RBFOX1: variants seen among roughly 807,000 people sequenced by gnomAD.
The protein encoded by RBFOX1 is RNA binding protein fox-1 homolog 1.
Under a neutral mutation model 57.7 loss-of-function variants are expected in RBFOX1, and 8 were observed. The observed-to-expected ratio is 0.14, with a 90% CI of 0.08 to 0.25. RBFOX1 has a LOEUF of 0.25. Among genes scored for constraint, RBFOX1 ranks in the 10% least tolerant of loss-of-function variants. The pLI, the probability that RBFOX1 is intolerant of heterozygous loss-of-function variation, is 1.00. For synonymous variants in RBFOX1, 326 were observed against 222.4 expected, an observed-to-expected ratio of 1.47 and a Z score of -4.15; for missense variants, 611 against 548.5, an observed-to-expected ratio of 1.11 and a Z score of -1.14.
intron 1 of RBFOX1, among the ~76,000 whole-genome samples, chr16:6,264,028 T>A (rs1368025126): frequency 6.6e-6 from 1 of 152,200 alleles, no homozygotes; most frequent in Non-Finnish European, 1.5e-5. Context: ...CTAGACTATT[T>A]TGACTTTAAT....
At chr16:7,551,055 T>A (rs2086266870) in intron 5 of RBFOX1, among the ~76,000 whole-genome samples, 2 of 126,274 alleles carry the variant, frequency 1.6e-5, no homozygotes, top group South Asian at 4.9e-4. Flanking sequence ...GATTGTGCCA[T>A]CACACTCCAG....
At chr16:7,632,802 C>G (rs145151280) in intron 11 of RBFOX1, among the ~76,000 whole-genome samples, 1 of 152,210 alleles carries the variant, frequency 6.6e-6, no homozygotes, top group Non-Finnish European at 1.5e-5. Context: ...ATTAATTAGC[C>G]ATATAGGGGC....
intron 3 of RBFOX1, among the ~76,000 whole-genome samples, chr16:5,765,401 A>C (rs1047644970): frequency 6.6e-6 from 1 of 152,220 alleles, no homozygotes; most frequent in Non-Finnish European, 1.5e-5. Context: ...AAAAAATCCC[A>C]TTAAAAACTC....
At chr16:7,321,522 G>A (rs543891852) in intron 4 of RBFOX1, among the ~76,000 whole-genome samples, 2 of 152,236 alleles carry the variant, frequency 1.3e-5, no homozygotes, top group East Asian at 1.9e-4. Context: ...TATGTATGGG[G>A]CCAGATTTAC....
At chr16:6,848,837 G>A (rs936500898) in intron 3 of RBFOX1, among the ~76,000 whole-genome samples, 1 of 152,170 alleles carries the variant, frequency 6.6e-6, no homozygotes, top group South Asian at 2.1e-4. Flanking sequence ...ATTAGTGTCA[G>A]GGATAATGAC....
Position 6,776,397 on chromosome 16 carries a change from T to C in RBFOX1, c.-16+121747T>C, listed in dbSNP as rs189292805. 6.0e-5 allele frequency among the ~76,000 whole-genome samples: 9 copies of C among 151,108 alleles called. No individual in the cohort carries two copies. In the East Asian group the frequency reaches 1.6e-3, roughly 26 times the overall value. ...CTGCACTCCAGCCTGGGTGACAGAG[T>C]GAGACTCCACCTCGGAAAAAAACAA... On this transcript the variant is annotated intron_variant, in intron 3 of 15. Transcript: ENST00000550418.
chr16:6,878,361 A>G (rs578020453), intron 3 of RBFOX1, among the ~76,000 whole-genome samples: 59 of 152,198 alleles, frequency 3.9e-4, no homozygotes, highest in African/African-American at 1.3e-3. Flanking sequence ...GTTTCTAGAA[A>G]TTTCTTATCT....
intron 3 of RBFOX1, among the ~76,000 whole-genome samples, chr16:6,867,997 G>A (rs908895131): frequency 6.6e-6 from 1 of 152,102 alleles, no homozygotes; most frequent in African/African-American, 2.4e-5. Context: ...GATTTTTTCT[G>A]AGAAGCTGAA....
At chr16:7,604,207 G>A (rs189142709) in intron 9 of RBFOX1, among the ~76,000 whole-genome samples, 2 of 152,268 alleles carry the variant, frequency 1.3e-5, no homozygotes, top group African/African-American at 2.4e-5. Context: ...TTTCATGAGT[G>A]GGGGGAGAAG....
intron 4 of RBFOX1, among the ~76,000 whole-genome samples, chr16:5,928,046 A>G (rs1245475009): frequency 6.6e-6 from 1 of 152,126 alleles, no homozygotes; most frequent in East Asian, 1.9e-4. Flanking sequence ...ATCATTAGTA[A>G]TAAAGTGTAT....
chr16:7,108,879 A>T (rs1487908958), intron 4 of RBFOX1, among the ~76,000 whole-genome samples: 1 of 152,188 alleles, frequency 6.6e-6, no homozygotes, highest in Non-Finnish European at 1.5e-5. Flanking sequence ...GTTGAATACT[A>T]TGCATCTGTG....
At chr16:5,428,743 G>A (rs2067640387) in intron 1 of RBFOX1, among the ~76,000 whole-genome samples, 2 of 152,144 alleles carry the variant, frequency 1.3e-5, no homozygotes, top group Admixed American at 6.5e-5. Context: ...GAGGCCAGGA[G>A]GTTTCTGGGT....
intron 3 of RBFOX1, among the ~76,000 whole-genome samples, chr16:6,990,445 A>T (rs1418621090): frequency 6.6e-6 from 1 of 152,052 alleles, no homozygotes; most frequent in Non-Finnish European, 1.5e-5. Flanking sequence ...GAATCGCTTG[A>T]ACCTGGGAGT....
chr16:7,542,176 A>G (rs950609882), intron 5 of RBFOX1, among the ~76,000 whole-genome samples: 4 of 151,986 alleles, frequency 2.6e-5, no homozygotes, highest in Non-Finnish European at 5.9e-5. Flanking sequence ...TACTCCCTCA[A>G]CCCTATGGGC....
intron 4 of RBFOX1, among the ~76,000 whole-genome samples, chr16:5,877,125 C>A (rs1010301928): frequency 6.6e-6 from 1 of 152,176 alleles, no homozygotes; most frequent in African/African-American, 2.4e-5. Context: ...CTGATTATAT[C>A]CAGGAGGAGG....
At chr16:6,056,409 G>T (rs1287032635) in intron 1 of RBFOX1, among the ~76,000 whole-genome samples, 4 of 152,084 alleles carry the variant, frequency 2.6e-5, no homozygotes, top group African/African-American at 9.7e-5. Context: ...CTCTCATTCT[G>T]TCTCCTCCCT....
rs1022313580 is a variant in RBFOX1 at position 7,597,488 on chromosome 16, A to C, written c.622+57A>C. 4 of 1,427,060 alleles carry C rather than the reference A, an allele frequency of 2.8e-6. No individual in the cohort carries two copies. In the African/African-American group the frequency reaches 5.7e-5, roughly 20 times the overall value. 88.4% of individuals were successfully genotyped at this position (1,427,060 alleles called of 1,614,324 possible). A position where few individuals can be genotyped will look rare whatever the true frequency, so the allele number is the denominator to read the frequency against. On this transcript the variant is annotated intron_variant, in intron 9 of 15. Transcript: ENST00000550418. ...CTCTCTACTTCTGACTCTTTAAGTAATTTAACCAGAGATTCTATTACAACA... is the reference window on the plus strand; with the variant it reads ...CTCTCTACTTCTGACTCTTTAAGTACTTTAACCAGAGATTCTATTACAACA...
intron 3 of RBFOX1, among the ~76,000 whole-genome samples, chr16:6,743,957 T>A (rs555669306): frequency 6.6e-6 from 1 of 151,906 alleles, no homozygotes; most frequent in South Asian, 2.1e-4. Context: ...GTGGTTTAAT[T>A]TTGTCAATGT....
intron 2 of RBFOX1, among the ~76,000 whole-genome samples, chr16:6,489,023 G>T (rs79201744): frequency 0.033 from 4,995 of 152,170 alleles, 274 homozygotes; most frequent in African/African-American, 0.11. Context: ...TTCCCTTACA[G>T]TCTGACACTA....
Sources: allele counts gnomAD v4.1 joint callset (sites outside exome capture counted in the v4.1 genomes callset), GRCh38; gene constraint gnomAD v4.1.1; transcripts MANE v1.5; gene names NCBI Gene and HGNC (gene_info 2026-07-23, HGNC 2026-07-21).